Variants in AP2B1 observed in about 807,000 individuals in gnomAD.
The protein encoded by AP2B1 is adaptor related protein complex 2 subunit beta 1, also known as AP-2 complex subunit beta.
A neutral mutation model predicts 102.0 loss-of-function variants in AP2B1; 23 were observed. The observed-to-expected ratio is 0.23, with a 90% CI of 0.16 to 0.32. The LOEUF (loss-of-function observed/expected upper bound fraction) is 0.32. AP2B1 is among the 10% of genes least tolerant of loss of function. The probability of loss-of-function intolerance (pLI) is 1.00; values close to 1 mark genes in which losing one functional copy is unlikely to be tolerated. For synonymous variants in AP2B1, 381 were observed against 421.2 expected (o/e 0.90, Z 1.17); for missense variants, 541 against 1,157.4 (o/e 0.47, Z 7.73).
At chr17:35,688,175 C>G (rs922513636) in intron 18 of AP2B1, among the ~76,000 whole-genome samples, 4 of 151,524 alleles carry the variant, frequency 2.6e-5, no homozygotes, top group African/African-American at 9.7e-5. Flanking sequence ...GTTATAGTGT[C>G]CTTTTCTTGG....
chr17:35,717,493 A>G, intron 21 of AP2B1, 144 bp downstream of exon 21: 3 of 899,962 alleles, frequency 3.3e-6, no homozygotes, highest in Non-Finnish European at 5.0e-6. Flanking sequence ...AGAAGCTTCC[A>G]TTTGCCTCAA....
chr17:35,708,834 G>T (rs1227151255), intron 18 of AP2B1, among the ~76,000 whole-genome samples: 1 of 152,176 alleles, frequency 6.6e-6, no homozygotes, highest in East Asian at 1.9e-4. Flanking sequence ...TCTGCGAAAT[G>T]AGAGGGGAAT....
At chr17:35,672,943 C>T (rs2075620293) in intron 16 of AP2B1, among the ~76,000 whole-genome samples, 1 of 152,146 alleles carries the variant, frequency 6.6e-6, no homozygotes. Flanking sequence ...TATTTGTATC[C>T]TTTGAACATT....
At chr17:35,662,538 T>TG (rs1442611430) in intron 14 of AP2B1, among the ~76,000 whole-genome samples, 2 of 150,106 alleles carry the variant, frequency 1.3e-5, no homozygotes, top group Non-Finnish European at 3.0e-5. Flanking sequence ...GTTTGTTTTT[T>TG]TTTTTTTTTT....
chr17:35,633,783 ATTC>A, intron 9 of AP2B1, among the ~76,000 whole-genome samples: 1 of 152,236 alleles, frequency 6.6e-6, no homozygotes, highest in Non-Finnish European at 1.5e-5. Flanking sequence ...TTTATTGAAT[ATTC>A]AGTACATGTT....
intron 2 of AP2B1, 89 bp downstream of exon 2, chr17:35,594,156 T>G (rs1486545011): frequency 1.3e-6 from 1 of 774,254 alleles, no homozygotes; most frequent in Non-Finnish European, 2.1e-6. Flanking sequence ...GACCTCTTCC[T>G]TCAGACATAC....
intron 20 of AP2B1, among the ~76,000 whole-genome samples, chr17:35,714,876 T>C (rs2076521918): frequency 6.6e-6 from 1 of 152,198 alleles, no homozygotes; most frequent in South Asian, 2.1e-4. Context: ...CATTACATTC[T>C]CATTATCAAA....
chr17:35,656,746 A>G (rs916448491), intron 13 of AP2B1, among the ~76,000 whole-genome samples: 4 of 152,174 alleles, frequency 2.6e-5, no homozygotes, highest in Non-Finnish European at 5.9e-5. Flanking sequence ...TTAGCCGGGC[A>G]CGGTGGTGGG....
intron 9 of AP2B1, among the ~76,000 whole-genome samples, chr17:35,633,922 G>A (rs1230917396): frequency 2.0e-5 from 3 of 152,104 alleles, no homozygotes; most frequent in South Asian, 2.1e-4. Flanking sequence ...CGAGGCGGGC[G>A]GATCACTTGA....
intron 12 of AP2B1, among the ~76,000 whole-genome samples, chr17:35,643,242 G>T (rs937876702): frequency 1.3e-5 from 2 of 151,998 alleles, no homozygotes; most frequent in African/African-American, 4.8e-5. Flanking sequence ...TTTGTATTGG[G>T]TCACATGTGG....
chr17:35,680,697 T>TTG (rs2075803171), intron 17 of AP2B1, among the ~76,000 whole-genome samples: 8 of 36,584 alleles, frequency 2.2e-4, no homozygotes, highest in Middle Eastern at 0.011. Context: ...TTTTTTTTTT[T>TTG]TTGTTTTTTT....
At chr17:35,640,583 G>C (rs1414824481) in intron 11 of AP2B1, among the ~76,000 whole-genome samples, 2 of 152,180 alleles carry the variant, frequency 1.3e-5, no homozygotes, top group Non-Finnish European at 2.9e-5. Flanking sequence ...ACTCAGACCA[G>C]TAGTTCTCAA....
At chr17:35,637,810 G>A (rs565404727) in intron 10 of AP2B1, among the ~76,000 whole-genome samples, 3 of 150,502 alleles carry the variant, frequency 2.0e-5, no homozygotes, top group African/African-American at 7.4e-5. Flanking sequence ...TCAATCTCCC[G>A]AGTAGCTGGG....
chr17:35,667,583 T>C (rs1390674944), intron 14 of AP2B1, among the ~76,000 whole-genome samples: 4 of 152,228 alleles, frequency 2.6e-5, no homozygotes, highest in African/African-American at 7.2e-5. Context: ...TCATATATCA[T>C]TCAACGATAA....
At position 35,657,722 on chromosome 17, in the gene AP2B1, C is replaced by T. The variant is rs745608494; in HGVS notation, c.1920C>T (p.Val640=). The change falls in exon 14 of 22, where the codon GTC becomes GTT. Residue 640 remains valine (V), a synonymous_variant. Transcript: ENST00000610402. ...DLLNLDLGPP[V]NVPQVSSMQM... ...TAAACCTTGACCTCGGTCCCCCAGT[C>T]AATGTGCCACAGGTGTCCTCCATGC... 6.2e-7 allele frequency: 1 copy of T among 1,614,148 alleles called. No homozygotes were observed. The highest frequency in any genetic ancestry group is 8.5e-7 in the Non-Finnish European group (1 of 1,180,044).
chr17:35,630,101 A>T (rs2074422259), intron 9 of AP2B1, among the ~76,000 whole-genome samples: 1 of 152,240 alleles, frequency 6.6e-6, no homozygotes, highest in Non-Finnish European at 1.5e-5. Context: ...AAAAGGAGGC[A>T]GATGTGTGTC....
In AP2B1 at chr17:35,639,532, C is replaced by T. The variant is rs972819804; in HGVS notation, c.1272-63C>T. The T allele has an allele frequency of 8.7e-6, 13 of 1,489,116 alleles. No individual in the cohort carries two copies. The East Asian group carries it at 2.8e-4, about 32-fold the overall frequency. 92.2% of individuals were successfully genotyped at this position (1,489,116 alleles called of 1,614,324 possible). ...CCTTGTTTGTGGTTTTGCCTTTAGCCTTCACTGTTAAATTAGTTCTTAGTT... is the reference window on the plus strand; with the variant it reads ...CCTTGTTTGTGGTTTTGCCTTTAGCTTTCACTGTTAAATTAGTTCTTAGTT... On this transcript the variant is annotated intron_variant, in intron 10 of 21. Coordinates refer to ENST00000610402, the MANE Select transcript of AP2B1 (RefSeq NM_001030006.2).
At chr17:35,673,198 T>G (rs980296272) in intron 16 of AP2B1, among the ~76,000 whole-genome samples, 1 of 152,102 alleles carries the variant, frequency 6.6e-6, no homozygotes, top group Non-Finnish European at 1.5e-5. Context: ...GAACAGCTCA[T>G]GACTCCTGAT....
chr17:35,645,064 T>C (rs1283182102), intron 12 of AP2B1, among the ~76,000 whole-genome samples: 1 of 151,992 alleles, frequency 6.6e-6, no homozygotes, highest in African/African-American at 2.4e-5. Context: ...AAAGAATAAG[T>C]ATGCCTATGT....
Sources: gnomAD v4.1 joint callset for allele counts (sites outside exome capture counted in the v4.1 genomes callset) on GRCh38, gnomAD v4.1.1 for gene constraint, MANE v1.5 for transcripts, NCBI Gene and HGNC (gene_info 2026-07-23, HGNC 2026-07-21) for gene names.